Variants in SPATA18 observed in about 807,000 individuals in gnomAD.
The protein encoded by SPATA18 is mitochondria-eating protein.
Under a neutral mutation model 68.1 loss-of-function variants are expected in SPATA18, and 54 were observed. The observed-to-expected ratio is 0.79, with a 90% CI of 0.64 to 0.99. SPATA18 has a LOEUF of 0.99. Among genes scored for constraint, SPATA18 ranks in the 50% least tolerant of loss-of-function variants. The pLI is 0.00. For synonymous variants in SPATA18, 242 were observed against 244.8 expected (o/e 0.99, Z 0.11); for missense variants, 724 against 681.1 (o/e 1.06, Z -0.70).
At chr4:52,065,893 T>C (rs569780962) in intron 4 of SPATA18, among the ~76,000 whole-genome samples, 3 of 152,318 alleles carry the variant, frequency 2.0e-5, no homozygotes, top group Admixed American at 2.0e-4. Flanking sequence ...TGGATTCTGG[T>C]TATGAATCTT....
chr4:52,061,038 G>C (rs1231161909), intron 3 of SPATA18, 141 bp downstream of exon 3: 3 of 690,084 alleles, frequency 4.3e-6, no homozygotes, highest in East Asian at 5.4e-5. Flanking sequence ...GGTTTCCATG[G>C]GACGGTGTTA....
In SPATA18 at chr4:52,095,698, G is replaced by A. The variant is rs1203395665; in HGVS notation, c.*811G>A. 6.6e-6 allele frequency: 1 copy of A among 152,140 alleles called. No individual in the cohort carries two copies. Among genetic ancestry groups the A allele is most frequent in the African/African-American group, 2.4e-5 (1 of 41,430 alleles). 9.4% of individuals were successfully genotyped at this position (152,140 alleles called of 1,614,324 possible). ...TTTAATGCATGTGTTATATATAAAA[G>A]TTTCTTGGGACATGCTCTTCACCTG... On this transcript the variant is annotated 3_prime_UTR_variant, in exon 13 of 13. Transcript: ENST00000295213.
chr4:52,065,793 T>C (rs527585834), intron 4 of SPATA18, among the ~76,000 whole-genome samples: 1 of 152,278 alleles, frequency 6.6e-6, no homozygotes, highest in East Asian at 1.9e-4. Context: ...AGTTCCAAAA[T>C]GCAAATTCCA....
chr4:52,073,269 T>C (rs916292299), intron 6 of SPATA18, among the ~76,000 whole-genome samples: 2 of 152,216 alleles, frequency 1.3e-5, no homozygotes, highest in Non-Finnish European at 2.9e-5. Flanking sequence ...CCTCCCTGAC[T>C]GTTGTACTCA....
intron 10 of SPATA18, chr4:52,082,763 T>C: frequency 7.6e-7 from 1 of 1,308,866 alleles, no homozygotes; most frequent in African/African-American, 1.5e-5. Flanking sequence ...CATATTTACC[T>C]CCTCCATCTT....
rs533073801 is a variant in SPATA18 at position 52,066,392 on chromosome 4, C to T, written c.423-3429C>T. On this transcript the variant is annotated intron_variant, in intron 4 of 12. Transcript: ENST00000295213. ...GTCTCGATCTCCTGACCTCATGATC[C>T]GCCCACCTCAGCCTCCCAAAGTGCT... 2.6e-5 allele frequency among the ~76,000 whole-genome samples: 4 copies of T among 152,236 alleles called. No individual in the cohort carries two copies. The South Asian group carries it at 6.2e-4, about 24-fold the overall frequency.
intron 5 of SPATA18, among the ~76,000 whole-genome samples, chr4:52,071,301 C>CT (rs1182104191): frequency 6.6e-6 from 1 of 152,162 alleles, no homozygotes; most frequent in Non-Finnish European, 1.5e-5. Flanking sequence ...GGCCATGCCA[C>CT]TTTGTATCTT....
chr4:52,064,649 T>G (rs1312001804), intron 4 of SPATA18, among the ~76,000 whole-genome samples: 3 of 152,230 alleles, frequency 2.0e-5, no homozygotes, highest in Non-Finnish European at 4.4e-5. Context: ...GGTGTATATA[T>G]ACCACATTTT....
At chr4:52,052,742 C>T (rs1265621696) in intron 1 of SPATA18, among the ~76,000 whole-genome samples, 1 of 152,192 alleles carries the variant, frequency 6.6e-6, no homozygotes, top group Non-Finnish European at 1.5e-5. Context: ...ATGTAAATTT[C>T]CTGTTCAGAT....
chr4:52,067,209 G>A (rs1739388289), intron 4 of SPATA18, among the ~76,000 whole-genome samples: 1 of 152,062 alleles, frequency 6.6e-6, no homozygotes, highest in Non-Finnish European at 1.5e-5. Flanking sequence ...AGCATGAGAT[G>A]GTATCTCATT....
At chr4:52,060,119 A>T (rs897102849) in intron 1 of SPATA18, among the ~76,000 whole-genome samples, 2 of 152,204 alleles carry the variant, frequency 1.3e-5, no homozygotes, top group Non-Finnish European at 2.9e-5. Flanking sequence ...CAGAAGGGAA[A>T]AGAAAAAAAA....
rs778219557 is a variant in SPATA18 at position 52,085,000 on chromosome 4, G to A, written c.1563+1G>A. The A allele has an allele frequency of 1.2e-6, 2 of 1,609,764 alleles. No individual in the cohort carries two copies. Among genetic ancestry groups the A allele is most frequent in the African/African-American group, 1.3e-5 (1 of 74,576 alleles). Reference sequence around the variant, plus strand: ...CCGTAGCCAAATTGGTTTAAACACGGTACATATCTATCTAATCATTTTTAC... The same window carrying A: ...CCGTAGCCAAATTGGTTTAAACACGATACATATCTATCTAATCATTTTTAC... On this transcript the variant is annotated splice_donor_variant, in intron 11 of 12. Coordinates refer to ENST00000295213, the MANE Select transcript of SPATA18 (RefSeq NM_145263.4). LOFTEE classifies it high-confidence loss of function.
chr4:52,073,489 C>A (rs1000175872), intron 6 of SPATA18, among the ~76,000 whole-genome samples: 3 of 152,100 alleles, frequency 2.0e-5, no homozygotes, highest in African/African-American at 7.2e-5. Context: ...TAAAATAGGG[C>A]AAAAGTTATG....
intron 5 of SPATA18, among the ~76,000 whole-genome samples, 181 bp downstream of exon 5, chr4:52,070,097 C>G (rs1473301268): frequency 6.6e-6 from 1 of 150,848 alleles, no homozygotes; most frequent in African/African-American, 2.4e-5. Context: ...AGAAAACTTC[C>G]AAAGTACAAC....
intron 1 of SPATA18, among the ~76,000 whole-genome samples, chr4:52,059,344 G>A (rs558054806): frequency 5.9e-5 from 9 of 152,268 alleles, no homozygotes; most frequent in East Asian, 1.9e-4. Context: ...CACATAAATC[G>A]ATGCATTTTT....
In SPATA18 at chr4:52,051,813, C is replaced by G. The variant is rs370216775; in HGVS notation, c.87+22C>G. 10 of 1,602,452 alleles carry G rather than the reference C, an allele frequency of 6.2e-6. No homozygotes were observed. The African/African-American group carries it at 1.4e-4, about 22-fold the overall frequency. On this transcript the variant is annotated intron_variant, in intron 1 of 12. Transcript: ENST00000295213. ...CAACGTGAGTCTGGGTGAAAAACCC[C>G]CGGGGTTCGCCCTCCCATAGGTTCC... is the stretch of plus-strand genomic sequence containing the variant.
In SPATA18 at chr4:52,060,878, G is replaced by A. The variant is rs770648557; in HGVS notation, c.290G>A (p.Ser97Asn). ...TAASLGKSVD[S>N]KVPSLQDTFD... ...GCTTCCCTGGGAAAATCTGTTGACA[G>A]CAAGGTCCCCTCTCTGCAGGTAGGG... The change falls in exon 3 of 13, where the codon AGC becomes AAC. Residue 97 changes from serine (S) to asparagine (N), a missense_variant. Ser to Asn is a conservative substitution (Grantham distance 46). Transcript: ENST00000295213. 4 of 1,613,864 alleles carry A rather than the reference G, an allele frequency of 2.5e-6. No individual in the cohort carries two copies. Among genetic ancestry groups the A allele is most frequent in the Non-Finnish European group, 3.4e-6 (4 of 1,179,852 alleles).
intron 4 of SPATA18, 82 bp from the exon 5 acceptor site, chr4:52,069,739 G>T: frequency 1.0e-6 from 1 of 958,374 alleles, no homozygotes; most frequent in Non-Finnish European, 1.5e-6. Flanking sequence ...TATACCAGAA[G>T]TTCCTAAGTG....
chr4:52,084,116 C>T (rs1350411411), intron 10 of SPATA18, among the ~76,000 whole-genome samples: 1 of 151,794 alleles, frequency 6.6e-6, no homozygotes, highest in Non-Finnish European at 1.5e-5. Flanking sequence ...CCAACAGCTA[C>T]ACATGTTCTA....
Sources: gnomAD v4.1 joint callset for allele counts (sites outside exome capture counted in the v4.1 genomes callset) on GRCh38, gnomAD v4.1.1 for gene constraint, MANE v1.5 for transcripts, NCBI Gene and HGNC (gene_info 2026-07-23, HGNC 2026-07-21) for gene names.